Variants in PHACTR1 observed in about 807,000 individuals in gnomAD.
The protein encoded by PHACTR1 is RPEL repeat containing 1.
Under a neutral mutation model 69.2 loss-of-function variants are expected in PHACTR1, and 16 were observed. That is an observed-to-expected ratio of 0.23 (90% CI 0.16 to 0.35). PHACTR1 has a LOEUF of 0.35. Among genes scored for constraint, PHACTR1 ranks in the 10% least tolerant of loss-of-function variants. The pLI is 1.00. For missense variants in PHACTR1, 510 were observed against 734.7 expected (o/e 0.69, Z 3.54); for synonymous variants, 312 against 284.5 (o/e 1.10, Z -0.97).
intron 7 of PHACTR1, among the ~76,000 whole-genome samples, chr6:13,198,669 G>A (rs546134990): frequency 4.6e-5 from 7 of 151,064 alleles, no homozygotes; most frequent in African/African-American, 1.5e-4. Context: ...CATAAATCCC[G>A]TCATGTTTTA....
intron 4 of PHACTR1, among the ~76,000 whole-genome samples, chr6:12,764,963 C>A (rs937936830): frequency 6.6e-6 from 1 of 152,054 alleles, no homozygotes; most frequent in Non-Finnish European, 1.5e-5. Context: ...AATTCTGACA[C>A]TGTTGGGCAA....
intron 5 of PHACTR1, among the ~76,000 whole-genome samples, chr6:13,075,834 G>A (rs931359967): frequency 6.6e-6 from 1 of 151,972 alleles, no homozygotes; most frequent in Non-Finnish European, 1.5e-5. Flanking sequence ...TGATCTTTCT[G>A]CCCTCCGACT....
intron 4 of PHACTR1, among the ~76,000 whole-genome samples, chr6:13,030,419 A>C (rs915190245): frequency 3.9e-5 from 6 of 152,230 alleles, no homozygotes; most frequent in African/African-American, 1.4e-4. Flanking sequence ...AAAGTATTAA[A>C]ATGCAGAACA....
At chr6:12,906,401 T>C (rs1339200692) in intron 4 of PHACTR1, among the ~76,000 whole-genome samples, 2 of 152,224 alleles carry the variant, frequency 1.3e-5, no homozygotes, top group Non-Finnish European at 2.9e-5. Flanking sequence ...TTAAAGATGC[T>C]TTCAGAGCTT....
At position 13,283,694 on chromosome 6, in the gene PHACTR1, A is replaced by T. The variant is rs1383400671; in HGVS notation, c.1650+132A>T. 7.7e-7 allele frequency: 1 copy of T among 1,302,708 alleles called. No individual in the cohort carries two copies. The highest frequency in any genetic ancestry group is 1.2e-5 in the South Asian group (1 of 80,272). 80.7% of individuals were successfully genotyped at this position (1,302,708 alleles called of 1,614,324 possible). On this transcript the variant is annotated intron_variant, in intron 13 of 14. Transcript: ENST00000332995. This position sits in a 1 kb window ranked among gnomAD's most constrained non-coding sequence, Gnocchi z 4.7. ...GCAGTCCCCATAATGGAGTGTTGAG[A>T]CCCCAACACCTTTCCCCAGGGGCCA... is the stretch of plus-strand genomic sequence containing the variant.
At chr6:13,241,614 C>G (rs1008661226) in intron 10 of PHACTR1, among the ~76,000 whole-genome samples, 3 of 152,168 alleles carry the variant, frequency 2.0e-5, no homozygotes, top group Non-Finnish European at 4.4e-5. Context: ...ACCTCCCACA[C>G]AAGGTCATCC....
intron 4 of PHACTR1, among the ~76,000 whole-genome samples, chr6:12,788,138 A>G (rs1227229472): frequency 6.7e-6 from 1 of 150,230 alleles, no homozygotes; most frequent in East Asian, 1.9e-4. Context: ...AGCCTGGGTG[A>G]CAGAATGAGA....
At chr6:12,797,798 C>T (rs1387844122) in intron 4 of PHACTR1, among the ~76,000 whole-genome samples, 1 of 152,148 alleles carries the variant, frequency 6.6e-6, no homozygotes, top group Non-Finnish European at 1.5e-5. Context: ...GTTCCCTCTA[C>T]ATAGAACACT....
intron 4 of PHACTR1, among the ~76,000 whole-genome samples, chr6:12,770,019 T>G (rs987443159): frequency 6.6e-6 from 1 of 152,228 alleles, no homozygotes; most frequent in African/African-American, 2.4e-5. Flanking sequence ...TTTAGTCACT[T>G]ACAATTCTGT....
At chr6:13,183,656 C>T (rs1030082461) in intron 7 of PHACTR1, among the ~76,000 whole-genome samples, 3 of 152,080 alleles carry the variant, frequency 2.0e-5, no homozygotes, top group Admixed American at 1.3e-4. Flanking sequence ...GGAGGAGTCC[C>T]TTACAGGCTT....
intron 5 of PHACTR1, among the ~76,000 whole-genome samples, chr6:13,125,449 A>G (rs1583467334): frequency 6.6e-6 from 1 of 151,842 alleles, no homozygotes; most frequent in East Asian, 1.9e-4. Flanking sequence ...CCTTTCAGTC[A>G]TTTTTTATGC....
intron 5 of PHACTR1, among the ~76,000 whole-genome samples, chr6:13,128,633 T>A (rs1819926285): frequency 6.6e-6 from 1 of 151,716 alleles, no homozygotes; most frequent in Admixed American, 6.6e-5. Flanking sequence ...GAACAAAGCC[T>A]CCAAGAAAAT....
chr6:13,124,832 T>C (rs1339883425), intron 5 of PHACTR1, among the ~76,000 whole-genome samples: 1 of 152,206 alleles, frequency 6.6e-6, no homozygotes, highest in Non-Finnish European at 1.5e-5. Flanking sequence ...TCTCTTCTTA[T>C]AAGTATGTCT....
intron 4 of PHACTR1, among the ~76,000 whole-genome samples, chr6:12,919,140 C>CT (rs543803123): frequency 7.7e-4 from 117 of 151,696 alleles, no homozygotes; most frequent in Admixed American, 1.4e-3. Context: ...CCTGTAAAGA[C>CT]TTTTTTTATT....
At chr6:12,978,548 G>A (rs1055325250) in intron 4 of PHACTR1, among the ~76,000 whole-genome samples, 19 of 151,982 alleles carry the variant, frequency 1.3e-4, no homozygotes, top group Non-Finnish European at 2.4e-4. Context: ...GATGTCTCTC[G>A]GGCTCCCCAA....
At chr6:12,958,274 A>G (rs537408438) in intron 4 of PHACTR1, among the ~76,000 whole-genome samples, 3 of 152,340 alleles carry the variant, frequency 2.0e-5, no homozygotes, top group East Asian at 3.9e-4. Flanking sequence ...ATGATTTTCA[A>G]AGGAGATTCA....
At chr6:13,035,014 T>C (rs1803103309) in intron 4 of PHACTR1, among the ~76,000 whole-genome samples, 1 of 152,234 alleles carries the variant, frequency 6.6e-6, no homozygotes, top group Non-Finnish European at 1.5e-5. Context: ...GCAATTTCTA[T>C]TTAAATAAAT....
intron 4 of PHACTR1, among the ~76,000 whole-genome samples, chr6:12,931,903 G>T (rs942872180): frequency 5.9e-5 from 9 of 151,888 alleles, no homozygotes. Flanking sequence ...CACTCAGATA[G>T]TAAGAGTCTT....
At chr6:13,222,626 C>T (rs1403665586) in intron 8 of PHACTR1, among the ~76,000 whole-genome samples, 1 of 152,204 alleles carries the variant, frequency 6.6e-6, no homozygotes. Flanking sequence ...GCTGAGAATG[C>T]AGCAAGCAGC....
Sources: allele counts gnomAD v4.1 joint callset (sites outside exome capture counted in the v4.1 genomes callset), GRCh38; gene constraint gnomAD v4.1.1; non-coding constraint Gnocchi (gnomAD v3.1); transcripts MANE v1.5; gene names NCBI Gene and HGNC (gene_info 2026-07-23, HGNC 2026-07-21).